Variants in PCNX2 observed in about 807,000 individuals in gnomAD.
The protein encoded by PCNX2 is pecanex-like protein 2.
PCNX2 carries 168 observed loss-of-function variants against 223.8 expected under a neutral mutation model. That is an observed-to-expected ratio of 0.75 (90% CI 0.66 to 0.85). The LOEUF (loss-of-function observed/expected upper bound fraction) is 0.85. Ranked by LOEUF, PCNX2 falls within the 40% of genes least tolerant of loss-of-function variation. The pLI, the probability that PCNX2 is intolerant of heterozygous loss-of-function variation, is 0.00. For missense variants in PCNX2, 2,507 were observed against 2,675.5 expected (o/e 0.94, Z 1.39); for synonymous variants, 1,006 against 1,052.6 (o/e 0.96, Z 0.86).
At chr1:233,065,076 A>G (rs1264846257) in intron 23 of PCNX2, among the ~76,000 whole-genome samples, 1 of 152,214 alleles carries the variant, frequency 6.6e-6, no homozygotes, top group African/African-American at 2.4e-5. Flanking sequence ...TCTTATCATG[A>G]CAGGGTCTGA....
At chr1:233,292,781 C>G (rs183739893) in intron 1 of PCNX2, among the ~76,000 whole-genome samples, 2 of 151,982 alleles carry the variant, frequency 1.3e-5, no homozygotes, top group Admixed American at 1.3e-4. Flanking sequence ...ACCAGAAGAC[C>G]AAAGCAAGAA....
At chr1:232,998,083 G>T (rs984830210) in intron 32 of PCNX2, among the ~76,000 whole-genome samples, 168 bp downstream of exon 32, 2 of 152,194 alleles carry the variant, frequency 1.3e-5, no homozygotes, top group Non-Finnish European at 2.9e-5. Flanking sequence ...AACAGATGGA[G>T]AATTGTTTTC....
chr1:232,996,759 A>G (rs1669887143), intron 32 of PCNX2, among the ~76,000 whole-genome samples: 1 of 152,184 alleles, frequency 6.6e-6, no homozygotes, highest in African/African-American at 2.4e-5. Context: ...TTGCTTGCAG[A>G]GAAATTCCTT....
intron 4 of PCNX2, among the ~76,000 whole-genome samples, chr1:233,260,385 A>T (rs1489223122): frequency 1.3e-5 from 2 of 152,204 alleles, no homozygotes; most frequent in Non-Finnish European, 2.9e-5. Flanking sequence ...TAGCACACCT[A>T]ATCTGGAAGA....
chr1:233,188,994 A>T (rs768300509), intron 15 of PCNX2, among the ~76,000 whole-genome samples: 1 of 152,222 alleles, frequency 6.6e-6, no homozygotes, highest in Non-Finnish European at 1.5e-5. Context: ...TGTACAAGGC[A>T]TGTATGCCAG....
intron 32 of PCNX2, among the ~76,000 whole-genome samples, chr1:232,992,221 A>G (rs1669727684): frequency 6.6e-6 from 1 of 152,146 alleles, no homozygotes; most frequent in Admixed American, 6.5e-5. Flanking sequence ...TTCTTTCCTC[A>G]GCATGTCAGC....
At chr1:233,185,740 G>A (rs1285832081) in intron 15 of PCNX2, among the ~76,000 whole-genome samples, 1 of 152,138 alleles carries the variant, frequency 6.6e-6, no homozygotes, top group Non-Finnish European at 1.5e-5. Context: ...AAGAGATAAA[G>A]TTTTAAATGG....
the PCNX2 span, among the ~76,000 whole-genome samples, chr1:233,321,164 G>A: frequency 1.2e-4 from 18 of 151,824 alleles, 1 homozygote; most frequent in Admixed American, 9.8e-4. Flanking sequence ...AACTATAGGT[G>A]AAATGTCTTC....
At chr1:233,308,693 G>A in the PCNX2 span, among the ~76,000 whole-genome samples, 1 of 151,964 alleles carries the variant, frequency 6.6e-6, no homozygotes, top group Non-Finnish European at 1.5e-5. Context: ...GAAATCAATA[G>A]AGAACATCTA....
chr1:233,308,109 GATACCAAATCC>G, the PCNX2 span, among the ~76,000 whole-genome samples: 1 of 152,172 alleles, frequency 6.6e-6, no homozygotes, highest in Non-Finnish European at 1.5e-5. Context: ...AAACACAAAT[GATACCAAATCC>G]ATACATGAAG....
chr1:233,005,336 C>T (rs572627483), intron 28 of PCNX2, among the ~76,000 whole-genome samples: 100 of 152,286 alleles, frequency 6.6e-4, no homozygotes, highest in African/African-American at 2.4e-3. Flanking sequence ...AGCCAGGAAT[C>T]GCAGGCATCA....
At chr1:233,142,252 T>C (rs1463545628) in intron 19 of PCNX2, among the ~76,000 whole-genome samples, 7 of 152,140 alleles carry the variant, frequency 4.6e-5, no homozygotes, top group Admixed American at 1.3e-4. Context: ...TAGCATCAAG[T>C]CATCTTACAG....
At chr1:233,021,844 T>C (rs952652595) in intron 26 of PCNX2, among the ~76,000 whole-genome samples, 2 of 152,138 alleles carry the variant, frequency 1.3e-5, no homozygotes, top group Non-Finnish European at 2.9e-5. Flanking sequence ...AAATGGCAAA[T>C]TGTCATCTTA....
At chr1:233,039,045 T>C (rs917213850) in intron 25 of PCNX2, among the ~76,000 whole-genome samples, 75 of 152,274 alleles carry the variant, frequency 4.9e-4, no homozygotes, top group African/African-American at 1.7e-3. Context: ...AGAATGAACA[T>C]TGAAAGCAAA....
At chr1:233,132,140 A>C (rs1366775653) in intron 21 of PCNX2, among the ~76,000 whole-genome samples, 3 of 152,042 alleles carry the variant, frequency 2.0e-5, no homozygotes, top group Non-Finnish European at 4.4e-5. Flanking sequence ...AGGTTTCACC[A>C]TGTTGGTCAG....
intron 21 of PCNX2, among the ~76,000 whole-genome samples, chr1:233,111,805 C>T (rs1469048966): frequency 6.6e-6 from 1 of 152,176 alleles, no homozygotes; most frequent in Non-Finnish European, 1.5e-5. Context: ...CTTTTATCTT[C>T]TAGAAGATTT....
At chr1:233,273,159 A>G (rs995168152) in intron 1 of PCNX2, among the ~76,000 whole-genome samples, 1 of 151,376 alleles carries the variant, frequency 6.6e-6, no homozygotes, top group African/African-American at 2.4e-5. Flanking sequence ...AAAAAAAATC[A>G]TTAAAAAAAC....
At chr1:233,114,496 G>C (rs1035406185) in intron 21 of PCNX2, among the ~76,000 whole-genome samples, 2 of 152,206 alleles carry the variant, frequency 1.3e-5, no homozygotes, top group Non-Finnish European at 2.9e-5. Flanking sequence ...TCATTACAGG[G>C]TTTTGGGCAG....
At chr1:233,125,385 T>C (rs1676037719) in intron 21 of PCNX2, among the ~76,000 whole-genome samples, 1 of 152,228 alleles carries the variant, frequency 6.6e-6, no homozygotes, top group South Asian at 2.1e-4. Flanking sequence ...TGATTCTCTA[T>C]TGAGATCCTT....
Sources: allele counts gnomAD v4.1 joint callset (sites outside exome capture counted in the v4.1 genomes callset), GRCh38; gene constraint gnomAD v4.1.1; transcripts MANE v1.5; gene names NCBI Gene and HGNC (gene_info 2026-07-23, HGNC 2026-07-21).